The following ATP10B variants were observed in gnomAD, a reference collection of about 807,000 sequenced individuals.
The protein encoded by ATP10B is ATPase phospholipid transporting 10B (putative), also known as phospholipid-transporting ATPase VB.
Under a neutral mutation model 141.2 loss-of-function variants are expected in ATP10B, and 122 were observed. The ratio of observed to expected loss-of-function variants is 0.86; its 90% confidence interval spans 0.75 to 1.00. The LOEUF is 1.00. Among genes scored for constraint, ATP10B ranks in the 50% least tolerant of loss-of-function variants. The pLI is 0.00. For missense variants in ATP10B, 1,876 were observed against 1,825.3 expected, an observed-to-expected ratio of 1.03 and a Z score of -0.51; for synonymous variants, 685 against 692.0, an observed-to-expected ratio of 0.99 and a Z score of 0.16.
At chr5:160,844,878 T>G (rs1003933658) in intron 1 of ATP10B, among the ~76,000 whole-genome samples, 2 of 152,164 alleles carry the variant, frequency 1.3e-5, no homozygotes, top group South Asian at 4.1e-4. Context: ...GCGGTCATGT[T>G]AAAAATACAC....
the ATP10B span, among the ~76,000 whole-genome samples, chr5:160,869,259 T>A: frequency 6.6e-6 from 1 of 152,124 alleles, no homozygotes; most frequent in Non-Finnish European, 1.5e-5. Flanking sequence ...TAAATTCAGG[T>A]ACCATAACTA....
the ATP10B span, among the ~76,000 whole-genome samples, chr5:160,879,835 C>T: frequency 6.6e-6 from 1 of 151,886 alleles, no homozygotes; most frequent in Non-Finnish European, 1.5e-5. Context: ...AAGACTCCAT[C>T]CAAAAACAAA....
chr5:160,820,973 A>G (rs913768190), intron 1 of ATP10B, among the ~76,000 whole-genome samples: 1 of 152,126 alleles, frequency 6.6e-6, no homozygotes, highest in Non-Finnish European at 1.5e-5. Context: ...TCACTCTAAG[A>G]TCTGTAACAA....
chr5:160,636,212 G>C lies in ATP10B; in HGVS notation c.1098C>G (p.Tyr366Ter). ...SFLPSALGGF[Y>*]MFLTMIILLQ... The stretch of plus-strand genomic sequence containing the variant: ...GCAGGATGATCATTGTGAGGAACAT[G>C]TAGAAGCCCCCAAGGGCACTGGGAA... The change falls in exon 11 of 26, where the codon TAC becomes TAG. Residue 366 changes from tyrosine to a stop codon, truncating the protein, a stop_gained. Coordinates refer to ENST00000327245, the MANE Select transcript of ATP10B (RefSeq NM_025153.3). LOFTEE classifies it high-confidence loss of function. 1 of 1,613,152 alleles carries C rather than the reference G, an allele frequency of 6.2e-7. No individual in the cohort carries two copies. Among genetic ancestry groups the C allele is most frequent in the East Asian group, 2.2e-5 (1 of 44,818 alleles).
chr5:160,584,784 A>T (rs1290208429), intron 24 of ATP10B, among the ~76,000 whole-genome samples: 2 of 152,104 alleles, frequency 1.3e-5, no homozygotes, highest in East Asian at 3.9e-4. Context: ...TGGGTAGTTA[A>T]CCTTATAGAG....
At chr5:160,763,475 C>T (rs989191548) in intron 2 of ATP10B, among the ~76,000 whole-genome samples, 7 of 151,940 alleles carry the variant, frequency 4.6e-5, no homozygotes, top group African/African-American at 9.7e-5. Flanking sequence ...GGGTCAACAA[C>T]GAAATTAAGA....
chr5:160,881,467 T>C, the ATP10B span, among the ~76,000 whole-genome samples: 1 of 152,204 alleles, frequency 6.6e-6, no homozygotes, highest in Non-Finnish European at 1.5e-5. Context: ...TTTAAAACTT[T>C]TATCTATACA....
chr5:160,565,618 G>A lies in ATP10B; in HGVS notation c.4221C>T (p.Cys1407=), dbSNP rs756859183. The change falls in exon 26 of 26, where the codon TGC becomes TGT. Residue 1407 remains cysteine, a synonymous_variant. Coordinates refer to ENST00000327245, the MANE Select transcript of ATP10B (RefSeq NM_025153.3). The part of the protein sequence containing the change: ...VLHEQRCGTE[C]MRDDSCSGDS... ...CCCCTGAGCATGAGTCATCCCTCATGCACTCCGTGCCACATCTCTGTTCGT... is the reference window on the plus strand; with the variant it reads ...CCCCTGAGCATGAGTCATCCCTCATACACTCCGTGCCACATCTCTGTTCGT... 1 of 1,614,116 alleles carries A rather than the reference G, an allele frequency of 6.2e-7. No homozygotes were observed. Among genetic ancestry groups the A allele is most frequent in the Non-Finnish European group, 8.5e-7 (1 of 1,179,974 alleles).
intron 24 of ATP10B, among the ~76,000 whole-genome samples, chr5:160,574,441 AT>A (rs1755065635): frequency 6.6e-6 from 1 of 151,784 alleles, no homozygotes; most frequent in African/African-American, 2.4e-5. Context: ...CTCAAAAAAA[AT>A]TTTTTTTCTA....
At chr5:160,910,975 GAA>G in the ATP10B span, among the ~76,000 whole-genome samples, 1 of 152,160 alleles carries the variant, frequency 6.6e-6, no homozygotes, top group East Asian at 1.9e-4. Flanking sequence ...ACTAGTTGTT[GAA>G]AAGAGTCTTT....
the ATP10B span, among the ~76,000 whole-genome samples, chr5:160,874,542 T>C: frequency 6.6e-6 from 1 of 152,092 alleles, no homozygotes; most frequent in African/African-American, 2.4e-5. Context: ...GAGAATGACT[T>C]TGACGAGCTG....
chr5:160,687,763 T>G, intron 5 of ATP10B, 37 bp downstream of exon 5: 1 of 1,587,216 alleles, frequency 6.3e-7, no homozygotes. Flanking sequence ...AGACTCTTTC[T>G]CTAAAAAGAG....
intron 3 of ATP10B, among the ~76,000 whole-genome samples, chr5:160,705,376 C>T (rs1764946853): frequency 6.6e-6 from 1 of 152,116 alleles, no homozygotes; most frequent in South Asian, 2.1e-4. Flanking sequence ...TGCAGGCCGC[C>T]ATGCCTGGCT....
At chr5:160,731,488 C>A (rs1240047886) in intron 2 of ATP10B, among the ~76,000 whole-genome samples, 7 of 152,136 alleles carry the variant, frequency 4.6e-5, no homozygotes, top group African/African-American at 1.7e-4. Context: ...TGAATTTGAA[C>A]CCCTAATATC....
At chr5:160,892,885 T>C in the ATP10B span, among the ~76,000 whole-genome samples, 5 of 152,056 alleles carry the variant, frequency 3.3e-5, no homozygotes, top group African/African-American at 1.2e-4. Context: ...GTTGGTGCAG[T>C]CCACAGAGGG....
intron 3 of ATP10B, among the ~76,000 whole-genome samples, chr5:160,694,175 C>T (rs1417135216): frequency 1.3e-5 from 2 of 152,182 alleles, no homozygotes; most frequent in Non-Finnish European, 2.9e-5. Context: ...CCCACTGCCC[C>T]TCTCCCCTCC....
chr5:160,687,710 A>T, intron 5 of ATP10B, 90 bp downstream of exon 5: 1 of 1,423,438 alleles, frequency 7.0e-7, no homozygotes, highest in Non-Finnish European at 9.6e-7. Flanking sequence ...GGTTGCAGTG[A>T]GCCGAGATTG....
intron 6 of ATP10B, among the ~76,000 whole-genome samples, chr5:160,683,577 C>G (rs1346123566): frequency 1.3e-5 from 2 of 152,168 alleles, no homozygotes; most frequent in Admixed American, 6.5e-5. Flanking sequence ...GTACATACCT[C>G]GAAGCAAGCC....
chr5:160,633,916 G>C, intron 12 of ATP10B: 1 of 323,170 alleles, frequency 3.1e-6, no homozygotes. Context: ...TGTTAGAATA[G>C]AAGACATCTT....
Sources: allele counts gnomAD v4.1 joint callset (sites outside exome capture counted in the v4.1 genomes callset), GRCh38; gene constraint gnomAD v4.1.1; transcripts MANE v1.5; gene names NCBI Gene and HGNC (gene_info 2026-07-23, HGNC 2026-07-21).